The following JAK2 variants were observed in gnomAD, a reference collection of about 807,000 sequenced individuals.
JAK2 encodes the protein Janus kinase 2, also known as tyrosine-protein kinase JAK2.
JAK2 carries 86 observed loss-of-function variants against 139.3 expected under a neutral mutation model. The observed-to-expected ratio is 0.62, with a 90% CI of 0.52 to 0.74. The LOEUF (loss-of-function observed/expected upper bound fraction) is 0.74. Among genes scored for constraint, JAK2 ranks in the 30% least tolerant of loss-of-function variants. JAK2 has a pLI of 0.00. For missense variants in JAK2, 1,421 were observed against 1,360.3 expected, an observed-to-expected ratio of 1.04 and a Z score of -0.70; for synonymous variants, 490 against 437.7, an observed-to-expected ratio of 1.12 and a Z score of -1.49.
intron 18 of JAK2, among the ~76,000 whole-genome samples, chr9:5,081,453 A>G (rs1254346569): frequency 2.0e-5 from 3 of 152,178 alleles, no homozygotes; most frequent in Admixed American, 1.3e-4. Flanking sequence ...CTTTCTCACA[A>G]TAAGTATCAG....
chr9:5,038,238 C>T (rs990167906), intron 4 of JAK2, among the ~76,000 whole-genome samples: 1 of 152,074 alleles, frequency 6.6e-6, no homozygotes, highest in Admixed American at 6.5e-5. Context: ...GTTATAGGAA[C>T]TGCTAAAAGA....
chr9:5,111,369 G>A (rs1822512590), intron 22 of JAK2: 2 of 404,628 alleles, frequency 4.9e-6, no homozygotes, highest in Non-Finnish European at 4.8e-6. Flanking sequence ...CCCCTCCTAC[G>A]CCAGCAGCTC....
intron 5 of JAK2, among the ~76,000 whole-genome samples, chr9:5,046,679 C>T (rs1231468571): frequency 6.6e-6 from 1 of 152,142 alleles, no homozygotes; most frequent in East Asian, 1.9e-4. Context: ...GGTCTTGGCA[C>T]CTTTGTTGAA....
At chr9:5,007,884 CGCCTGGCTAATTTTTGT>C (rs1821420121) in intron 2 of JAK2, among the ~76,000 whole-genome samples, 1 of 151,994 alleles carries the variant, frequency 6.6e-6, no homozygotes, top group South Asian at 2.1e-4. Context: ...CGTGCCACCA[CGCCTGGCTAATTTTTGT>C]GTTTTCACTG....
At chr9:5,031,508 T>C (rs928809284) in intron 4 of JAK2, among the ~76,000 whole-genome samples, 4 of 152,188 alleles carry the variant, frequency 2.6e-5, no homozygotes, top group African/African-American at 9.6e-5. Context: ...GAATAGTTGA[T>C]TAGCTGTTTG....
At chr9:5,064,836 A>C in intron 8 of JAK2, 47 bp from the exon 9 acceptor site, 1 of 1,382,490 alleles carries the variant, frequency 7.2e-7, no homozygotes, top group Non-Finnish European at 9.7e-7. Flanking sequence ...TTTAACATGG[A>C]GTTGACTTTC....
intron 22 of JAK2, among the ~76,000 whole-genome samples, chr9:5,121,443 C>A (rs2130847525): frequency 6.6e-6 from 1 of 152,252 alleles, no homozygotes; most frequent in African/African-American, 2.4e-5. Context: ...TGGCTTTATA[C>A]AAAGGAAAAT....
intron 2 of JAK2, among the ~76,000 whole-genome samples, chr9:4,997,634 C>A (rs937279268): frequency 6.6e-6 from 1 of 152,174 alleles, no homozygotes; most frequent in African/African-American, 2.4e-5. Flanking sequence ...AAGGGGACAA[C>A]ATCCAAACTG....
chr9:5,077,471 T>G lies in JAK2; in HGVS notation c.1883T>G (p.Phe628Cys). 4.1e-6 allele frequency: 5 copies of G among 1,227,512 alleles called. No individual in the cohort carries two copies. Among genetic ancestry groups the G allele is most frequent in the Non-Finnish European group, 4.4e-6 (4 of 907,172 alleles). The allele number at this position is 1,227,512 out of a possible 1,614,324, so 76.0% of individuals were successfully genotyped here. Reference protein sequence around the residue: ...CGDENILVQEFVKFGSLDTYL... With the variant: ...CGDENILVQECVKFGSLDTYL... The stretch of plus-strand genomic sequence containing the variant: ...AATGCAGATATTCTGGTTCAGGAGT[T>G]TGTAAAATTTGGATCACTAGATACA... Residue 628 changes from phenylalanine (F) to cysteine (C), a missense_variant, in exon 15 of 25, where the codon TTT (phenylalanine) becomes TGT (cysteine). Coordinates refer to ENST00000381652, the MANE Select transcript of JAK2 (RefSeq NM_004972.4).
At chr9:5,085,937 G>T in intron 19 of JAK2, 1 of 1,110,572 alleles carries the variant, frequency 9.0e-7, no homozygotes, top group Non-Finnish European at 1.4e-6. Context: ...CTCTCCAACC[G>T]AGTTTGAAAG....
intron 8 of JAK2, among the ~76,000 whole-genome samples, chr9:5,059,378 G>T (rs925941013): frequency 1.3e-5 from 2 of 152,084 alleles, no homozygotes; most frequent in African/African-American, 4.8e-5. Flanking sequence ...ATTCATTTAT[G>T]TTGTTACATG....
At chr9:5,025,755 C>T (rs1040906180) in intron 3 of JAK2, among the ~76,000 whole-genome samples, 19 of 152,166 alleles carry the variant, frequency 1.2e-4, no homozygotes, top group Non-Finnish European at 1.8e-4. Context: ...TTATCTCAAA[C>T]TCCTGACTTC....
In JAK2 at chr9:5,054,868, A is replaced by G; in HGVS notation, c.920A>G (p.Glu307Gly). Residue 307 changes from glutamate (E) to glycine (G), a missense_variant, in exon 7 of 25, where the codon GAG (glutamate) becomes GGG (glycine). Glu to Gly is a moderately conservative substitution (Grantham distance 98). Transcript: ENST00000381652. The surrounding 1 kb of genome is among the most constrained non-coding windows in gnomAD (Gnocchi z 4.9). ...QWSRGKHKES[E>G]TLTEQDLQLY... is the part of the protein sequence containing the mutation. ...TCAAGAGGGAAACATAAAGAAAGTGAGACACTGACAGAACAGGTAATCCTT... is the reference window on the plus strand; with the variant it reads ...TCAAGAGGGAAACATAAAGAAAGTGGGACACTGACAGAACAGGTAATCCTT... The G allele has an allele frequency of 6.2e-7, 1 of 1,600,134 alleles. No individual in the cohort carries two copies. Among genetic ancestry groups the G allele is most frequent in the Non-Finnish European group, 8.5e-7 (1 of 1,172,418 alleles).
chr9:5,052,603 A>G (rs1450505795), intron 6 of JAK2, among the ~76,000 whole-genome samples: 1 of 152,098 alleles, frequency 6.6e-6, no homozygotes, highest in Non-Finnish European at 1.5e-5. Flanking sequence ...GAACATTTGC[A>G]TCCTTTCTGA....
At chr9:5,043,312 TAA>T (rs138606449) in intron 4 of JAK2, among the ~76,000 whole-genome samples, 2 of 143,638 alleles carry the variant, frequency 1.4e-5, no homozygotes, top group Non-Finnish European at 1.5e-5. Context: ...TTAGGGGCTT[TAA>T]AAAAAAAAAG....
chr9:4,998,869 C>T (rs1267663953), intron 2 of JAK2, among the ~76,000 whole-genome samples: 5 of 152,104 alleles, frequency 3.3e-5, no homozygotes, highest in Non-Finnish European at 7.4e-5. Context: ...CTCCCTCTGT[C>T]ACCCAGGCTG....
chr9:5,044,755 T>G (rs1816877747), intron 5 of JAK2, among the ~76,000 whole-genome samples: 1 of 152,232 alleles, frequency 6.6e-6, no homozygotes, highest in African/African-American at 2.4e-5. Flanking sequence ...TGAATTTCTT[T>G]CTTTTTTAGG....
At chr9:5,008,018 C>T (rs993592251) in intron 2 of JAK2, among the ~76,000 whole-genome samples, 21 of 152,086 alleles carry the variant, frequency 1.4e-4, no homozygotes, top group African/African-American at 3.9e-4. Flanking sequence ...CATGAGCCAC[C>T]GCGCCTGGCC....
In JAK2 at chr9:5,126,976, T is replaced by C. The variant is rs1824042306; in HGVS notation, c.*185T>C. The C allele has an allele frequency of 5.6e-6, 2 of 357,060 alleles. No homozygotes were observed. The highest frequency in any genetic ancestry group is 1.0e-5 in the Non-Finnish European group (2 of 198,288). The allele number at this position is 357,060 out of a possible 1,614,324, so 22.1% of individuals were successfully genotyped here. A position where few individuals can be genotyped will look rare whatever the true frequency, so the allele number is the denominator to read the frequency against. On this transcript the variant is annotated 3_prime_UTR_variant, in exon 25 of 25. Coordinates refer to ENST00000381652, the MANE Select transcript of JAK2 (RefSeq NM_004972.4). ...AAGTTTTTCTTCATGAGGCCACCAGTAAAAGACATTAATGAGAATTCCTTA... is the reference window on the plus strand; with the variant it reads ...AAGTTTTTCTTCATGAGGCCACCAGCAAAAGACATTAATGAGAATTCCTTA...
Sources: gnomAD v4.1 joint callset for allele counts (sites outside exome capture counted in the v4.1 genomes callset) on GRCh38, gnomAD v4.1.1 for gene constraint, Gnocchi (gnomAD v3.1) non-coding constraint, MANE v1.5 for transcripts, NCBI Gene and HGNC (gene_info 2026-07-23, HGNC 2026-07-21) for gene names.